The following SYT6 variants were observed in gnomAD, a reference collection of about 807,000 sequenced individuals.
SYT6 encodes the protein synaptotagmin 6, also known as synaptotagmin-6.
Under a neutral mutation model 38.4 loss-of-function variants are expected in SYT6, and 24 were observed. The ratio of observed to expected loss-of-function variants is 0.62; its 90% CI spans 0.45 to 0.88. The LOEUF (loss-of-function observed/expected upper bound fraction) is 0.88. SYT6 is among the 40% of genes least tolerant of loss of function. The probability of loss-of-function intolerance (pLI) is 0.00; values close to 1 mark genes in which losing one functional copy is unlikely to be tolerated. For synonymous variants in SYT6, 265 were observed against 241.9 expected, an observed-to-expected ratio of 1.10 and a Z score of -0.89; for missense variants, 611 against 621.0, an observed-to-expected ratio of 0.98 and a Z score of 0.17.
chr1:114,138,968 T>C (rs1311115588), intron 2 of SYT6, among the ~76,000 whole-genome samples: 1 of 152,222 alleles, frequency 6.6e-6, no homozygotes, highest in Non-Finnish European at 1.5e-5. Context: ...TGCAGGGACC[T>C]AGGAGTCCAT....
chr1:114,103,662 C>T lies in SYT6; in HGVS notation c.1131G>A (p.Arg377=). ...GACACTTAATCACTGTGAGGGTGAGCCTGCCTGCAGTGGGCAGGTAGCAAA... is the reference window on the plus strand; with the variant it reads ...GACACTTAATCACTGTGAGGGTGAGTCTGCCTGCAGTGGGCAGGTAGCAAA... ...FSLCYLPTAG[R]LTLTVIKCRN... The change falls in exon 4 of 8, where the codon AGG becomes AGA. Residue 377 remains arginine (R), a synonymous_variant. Coordinates refer to ENST00000610222, the MANE Select transcript of SYT6 (RefSeq NM_001253772.2). 6.2e-7 allele frequency: 1 copy of T among 1,614,158 alleles called. No homozygotes were observed. Among genetic ancestry groups the T allele is most frequent in the South Asian group, 1.1e-5 (1 of 91,084 alleles).
chr1:114,139,537 C>T (rs1255360380), intron 2 of SYT6, 78 bp downstream of exon 2: 7 of 1,572,686 alleles, frequency 4.5e-6, no homozygotes, highest in Non-Finnish European at 5.2e-6. Flanking sequence ...CTGTGATCCC[C>T]ACAGGCTGGA....
At chr1:114,151,577 C>T (rs1343446145) in intron 1 of SYT6, among the ~76,000 whole-genome samples, 2 of 152,174 alleles carry the variant, frequency 1.3e-5, no homozygotes, top group African/African-American at 4.8e-5. Flanking sequence ...CCGTCACCCC[C>T]AGCATTTCTG....
At chr1:114,099,385 G>A (rs1675833706) in intron 4 of SYT6, 120 bp from the exon 5 acceptor site, 2 of 1,036,478 alleles carry the variant, frequency 1.9e-6, no homozygotes, top group African/African-American at 1.6e-5. Flanking sequence ...TGGTATCAGT[G>A]GGTTGTTAAA....
chr1:114,144,881 C>T (rs888018254), intron 1 of SYT6, among the ~76,000 whole-genome samples: 4 of 152,092 alleles, frequency 2.6e-5, no homozygotes, highest in South Asian at 2.1e-4. Context: ...TTATCACCTC[C>T]GAGAATAGGT....
chr1:114,128,742 A>T (rs916277976), intron 3 of SYT6, among the ~76,000 whole-genome samples: 1 of 152,174 alleles, frequency 6.6e-6, no homozygotes, highest in Non-Finnish European at 1.5e-5. Flanking sequence ...GTTTCCTGAG[A>T]CACTGTACCC....
In SYT6 at chr1:114,099,179, C is replaced by G. The variant is rs1442287176; in HGVS notation, c.1279G>C (p.Val427Leu). ...TCAAAGATGATGGCCTCATTGTAGA[C>G]AGGATTGAGAGTGTTTTTCTTTATG... ...TTIKKNTLNP[V>L]YNEAIIFDIP... Residue 427 changes from valine (V) to leucine (L), a missense_variant, in exon 5 of 8, where the codon GTC becomes CTC. Physicochemically the swap from Val to Leu is conservative, Grantham distance 32. Coordinates refer to ENST00000610222, the MANE Select transcript of SYT6 (RefSeq NM_001253772.2). 1 of 1,614,142 alleles carries G rather than the reference C, an allele frequency of 6.2e-7. No homozygotes were observed. The highest frequency in any genetic ancestry group is 2.2e-5 in the East Asian group (1 of 44,880).
At chr1:114,118,956 C>T (rs2774310) in intron 3 of SYT6, among the ~76,000 whole-genome samples, 71,121 of 152,002 alleles carry the variant, frequency 0.47, 17,196 homozygotes, top group African/African-American at 0.58. Context: ...CCTATGTCTC[C>T]GTGATCACTG....
At chr1:114,109,529 T>C (rs1676546033) in intron 3 of SYT6, among the ~76,000 whole-genome samples, 1 of 152,220 alleles carries the variant, frequency 6.6e-6, no homozygotes, top group South Asian at 2.1e-4. Flanking sequence ...TACAGTGGGA[T>C]GAATATAGGA....
At chr1:114,129,318 T>G (rs1387666082) in intron 3 of SYT6, among the ~76,000 whole-genome samples, 1 of 152,220 alleles carries the variant, frequency 6.6e-6, no homozygotes, top group African/African-American at 2.4e-5. Flanking sequence ...TTCCTGCCTT[T>G]CCTCTGACTG....
intron 3 of SYT6, among the ~76,000 whole-genome samples, chr1:114,115,316 C>A (rs1367393483): frequency 2.0e-5 from 3 of 152,030 alleles, no homozygotes; most frequent in Non-Finnish European, 4.4e-5. Flanking sequence ...TCTTCCACTT[C>A]TTTGAATCTA....
At chr1:114,144,104 C>A (rs1679033135) in intron 1 of SYT6, among the ~76,000 whole-genome samples, 1 of 152,176 alleles carries the variant, frequency 6.6e-6, no homozygotes, top group South Asian at 2.1e-4. Flanking sequence ...TAAGAAATTC[C>A]ATCATCATCG....
At chr1:114,133,122 T>G (rs1678255792) in intron 3 of SYT6, among the ~76,000 whole-genome samples, 1 of 151,864 alleles carries the variant, frequency 6.6e-6, no homozygotes, top group Non-Finnish European at 1.5e-5. Flanking sequence ...CACACACAAA[T>G]GCATGCCCAC....
At chr1:114,125,621 T>C (rs565658584) in intron 3 of SYT6, among the ~76,000 whole-genome samples, 5 of 152,232 alleles carry the variant, frequency 3.3e-5, no homozygotes, top group Admixed American at 6.5e-5. Flanking sequence ...GGATGGCTGC[T>C]GTAGAGACCA....
intron 3 of SYT6, among the ~76,000 whole-genome samples, chr1:114,107,754 CCT>C (rs750402748): frequency 4.7e-4 from 72 of 152,346 alleles, no homozygotes; most frequent in Non-Finnish European, 6.8e-4. Context: ...CTCACCAGGT[CCT>C]CTCTCTGCAC....
At chr1:114,134,434 C>T (rs6691051) in intron 3 of SYT6, among the ~76,000 whole-genome samples, 2,967 of 152,308 alleles carry the variant, frequency 0.019, 111 homozygotes, top group African/African-American at 0.068. Flanking sequence ...GTACTGGGTT[C>T]TTACACTCAG....
rs115419959 is a variant in SYT6, at chr1:114,145,397, G to A, written c.164-5434C>T. Reference sequence around the variant, plus strand: ...GATTTCCCAGGTCACACAACTAGTGGGTGGTGAAACTGGGCTACAACCCAG... The same window carrying A: ...GATTTCCCAGGTCACACAACTAGTGAGTGGTGAAACTGGGCTACAACCCAG... On this transcript the variant is annotated intron_variant, in intron 1 of 7. Coordinates refer to ENST00000610222, the MANE Select transcript of SYT6 (RefSeq NM_001253772.2). Among the ~76,000 whole-genome samples the A allele has an allele frequency of 6.9e-3, 1,049 of 152,232 alleles. 14 individuals are homozygous for A. The highest frequency in any genetic ancestry group is 0.024 in the African/African-American group (993 of 41,544).
intron 4 of SYT6, among the ~76,000 whole-genome samples, chr1:114,100,242 C>G (rs1675879945): frequency 6.6e-6 from 1 of 152,212 alleles, no homozygotes; most frequent in African/African-American, 2.4e-5. Context: ...GGGAGGGCGG[C>G]TCACAGGTAA....
At chr1:114,128,944 GT>G (rs1341763280) in intron 3 of SYT6, among the ~76,000 whole-genome samples, 11 of 152,100 alleles carry the variant, frequency 7.2e-5, no homozygotes, top group African/African-American at 2.7e-4. Context: ...TCCAAAATCT[GT>G]TTCTTTAGCC....
Sources: allele counts gnomAD v4.1 joint callset (sites outside exome capture counted in the v4.1 genomes callset), GRCh38; gene constraint gnomAD v4.1.1; transcripts MANE v1.5; gene names NCBI Gene and HGNC (gene_info 2026-07-23, HGNC 2026-07-21).